The following SOX4 variants were observed in gnomAD, a reference collection of about 807,000 sequenced individuals.
SOX4 encodes transcription factor SOX-4.
For missense variants in SOX4, 662 were observed against 694.9 expected (o/e 0.95, Z 0.53); for synonymous variants, 465 against 348.4 (o/e 1.33, Z -3.73).
Position 21,594,399 on chromosome 6 carries a change from TGAG to T in SOX4, c.-134_-132del, listed in dbSNP as rs1482597272. 18 of 1,158,068 alleles carry T rather than the reference TGAG, an allele frequency of 1.6e-5. No individual in the cohort carries two copies. The highest frequency in any genetic ancestry group is 2.0e-5 in the Non-Finnish European group (18 of 901,856). 71.7% of individuals were successfully genotyped at this position (1,158,068 alleles called of 1,614,324 possible). On this transcript the variant is annotated 5_prime_UTR_variant, in exon 1 of 1. Coordinates refer to ENST00000244745, the MANE Select transcript of SOX4 (RefSeq NM_003107.3). The stretch of plus-strand genomic sequence containing the variant: ...ACCCACCTCCGCCCCTGCGAGGAGT[TGAG>T]GGGCCAGTTCGGCCGCCGCGCGCGT...
chr6:21,596,054 G>A lies in SOX4; in HGVS notation c.*95G>A, dbSNP rs766429313. ...GAAAAGGACAGACGAAGAGTTTAAA[G>A]AGAAAAGGGAAAAAAGAAAGAAAAA... On this transcript the variant is annotated 3_prime_UTR_variant, in exon 1 of 1. Coordinates refer to ENST00000244745, the MANE Select transcript of SOX4 (RefSeq NM_003107.3). 1 of 1,388,638 alleles carries A rather than the reference G, an allele frequency of 7.2e-7. No homozygotes were observed. The highest frequency in any genetic ancestry group is 9.4e-7 in the Non-Finnish European group (1 of 1,069,270). 86.0% of individuals were successfully genotyped at this position (1,388,638 alleles called of 1,614,324 possible).
At position 21,595,547 on chromosome 6, in the gene SOX4, G is replaced by A; in HGVS notation, c.1013G>A (p.Ser338Asn). 4.1e-6 allele frequency: 5 copies of A among 1,210,092 alleles called. No individual in the cohort carries two copies. Among genetic ancestry groups the A allele is most frequent in the Non-Finnish European group, 5.1e-6 (5 of 974,604 alleles). The allele number at this position is 1,210,092 out of a possible 1,614,324, so 75.0% of individuals were successfully genotyped here. The change falls in exon 1 of 1, where the codon AGC becomes AAC. Residue 338 changes from serine (S) to asparagine (N), a missense_variant. By Grantham distance (46) the Ser-to-Asn change is conservative. Coordinates refer to ENST00000244745, the MANE Select transcript of SOX4 (RefSeq NM_003107.3). ...GCGGGCTGCTCGCCCGACGCGCCCA[G>A]CCTGAGCGGCCGCAGCAGCGCCGCC... Reference protein sequence around the residue: ...EGAGCSPDAPSLSGRSSAASS... With the variant: ...EGAGCSPDAPNLSGRSSAASS...
chr6:21,596,102 G>A lies in SOX4; in HGVS notation c.*143G>A. The A allele has an allele frequency of 1.5e-6, 2 of 1,310,424 alleles. No homozygotes were observed. The highest frequency in any genetic ancestry group is 3.8e-5 in the South Asian group (2 of 52,242). 81.2% of individuals were successfully genotyped at this position (1,310,424 alleles called of 1,614,324 possible). A position where few individuals can be genotyped will look rare whatever the true frequency, so the allele number is the denominator to read the frequency against. On this transcript the variant is annotated 3_prime_UTR_variant, in exon 1 of 1. Transcript: ENST00000244745. ...AAAGTAAGCAGGGCTGGCTTCGCCC[G>A]CGTTCTCGTCGTCGGATCAAGGAGC... is the stretch of plus-strand genomic sequence containing the variant.
chr6:21,593,864 T>C lies in SOX4; in HGVS notation c.-671T>C, dbSNP rs1763076095. ...TCTGCACTGGAGGAACTCCTGCCAT[T>C]ACCAGCTCCCTTCTTGCAGAAGGGA... On this transcript the variant is annotated 5_prime_UTR_variant, in exon 1 of 1. Coordinates refer to ENST00000244745, the MANE Select transcript of SOX4 (RefSeq NM_003107.3). 6.6e-6 allele frequency: 1 copy of C among 152,154 alleles called. No individual in the cohort carries two copies. The highest frequency in any genetic ancestry group is 1.5e-5 in the Non-Finnish European group (1 of 68,036). The allele number at this position is 152,154 out of a possible 1,614,324, so 9.4% of individuals were successfully genotyped here.
Position 21,594,656 on chromosome 6 carries a change from C to T in SOX4, c.122C>T (p.Ser41Phe). Residue 41 changes from serine to phenylalanine, a missense_variant, in exon 1 of 1, where the codon TCC becomes TTC. Physicochemically the swap from Ser to Phe is radical, Grantham distance 155. Transcript: ENST00000244745. ...TCCCCCACGCCCGGCTCCACCGCCT[C>T]CACGGGCGGCAAGGCCGACGACCCG... ...ASSPTPGSTA[S>F]TGGKADDPSW... is the part of the protein sequence containing the mutation. 2 of 1,602,398 alleles carry T rather than the reference C, an allele frequency of 1.2e-6. No individual in the cohort carries two copies. Among genetic ancestry groups the T allele is most frequent in the Non-Finnish European group, 1.7e-6 (2 of 1,175,300 alleles).
Position 21,596,890 on chromosome 6 carries a change from C to G in SOX4, c.*931C>G, listed in dbSNP as rs753183806. ...ATCAGTGAGGTGAGACTTCCCAGAC[C>G]CCGGAGGCGTGGAGGAGAGGAGACT... On this transcript the variant is annotated 3_prime_UTR_variant, in exon 1 of 1. Coordinates refer to ENST00000244745, the MANE Select transcript of SOX4 (RefSeq NM_003107.3). The G allele has an allele frequency of 1.2e-5, 2 of 165,672 alleles. No homozygotes were observed. Among genetic ancestry groups the G allele is most frequent in the Admixed American group, 1.3e-4 (2 of 15,106 alleles). 10.3% of individuals were successfully genotyped at this position (165,672 alleles called of 1,614,324 possible). A position where few individuals can be genotyped will look rare whatever the true frequency, so the allele number is the denominator to read the frequency against.
At position 21,596,259 on chromosome 6, in the gene SOX4, T is replaced by C; in HGVS notation, c.*300T>C. 1 of 252,254 alleles carries C rather than the reference T, an allele frequency of 4.0e-6. No individual in the cohort carries two copies. Among genetic ancestry groups the C allele is most frequent in the Non-Finnish European group, 8.0e-6 (1 of 125,758 alleles). The allele number at this position is 252,254 out of a possible 1,614,324, so 15.6% of individuals were successfully genotyped here. On this transcript the variant is annotated 3_prime_UTR_variant, in exon 1 of 1. Coordinates refer to ENST00000244745, the MANE Select transcript of SOX4 (RefSeq NM_003107.3). ...CCTGTGATTGTTGTTATTGATGTTG[T>C]TGTTGATGGCAAAAAAAAAAAAGCG...
At position 21,595,366 on chromosome 6, in the gene SOX4, T is replaced by G. The variant is rs1763117130; in HGVS notation, c.832T>G (p.Ser278Ala). ...CTCCGCCTCCTCGGCAGCCTCGGCC[T>G]CCGCAGCGCTCGCGGCCCCGGGCAA... ...SASASSAASA[S>A]AALAAPGKHL... is the part of the protein sequence containing the mutation. The change falls in exon 1 of 1, where the codon TCC becomes GCC. Residue 278 changes from serine to alanine, a missense_variant. Physicochemically the swap from Ser to Ala is moderately conservative, Grantham distance 99. Transcript: ENST00000244745. 3 of 1,532,484 alleles carry G rather than the reference T, an allele frequency of 2.0e-6. No individual in the cohort carries two copies. Among genetic ancestry groups the G allele is most frequent in the African/African-American group, 2.9e-5 (2 of 69,946 alleles). The allele number at this position is 1,532,484 out of a possible 1,614,324, so 94.9% of individuals were successfully genotyped here. A position where few individuals can be genotyped will look rare whatever the true frequency, so the allele number is the denominator to read the frequency against.
rs370133433 is a variant in SOX4 at position 21,595,456 on chromosome 6, C to G, written c.922C>G (p.Pro308Ala). The G allele has an allele frequency of 1.3e-6, 2 of 1,481,556 alleles. No homozygotes were observed. Among genetic ancestry groups the G allele is most frequent in the Non-Finnish European group, 8.9e-7 (1 of 1,121,294 alleles). 91.8% of individuals were successfully genotyped at this position (1,481,556 alleles called of 1,614,324 possible). Residue 308 changes from proline (P) to alanine (A), a missense_variant, in exon 1 of 1, where the codon CCC (proline) becomes GCC (alanine). Physicochemically the swap from Pro to Ala is conservative, Grantham distance 27. Coordinates refer to ENST00000244745, the MANE Select transcript of SOX4 (RefSeq NM_003107.3). ...CGGCGGCCTGGGCACGTCGTCGTCG[C>G]CCGTGGGCGGCGTGGGCGCGGGAGC... ...LFGGLGTSSS[P>A]VGGVGAGADP...
At position 21,595,095 on chromosome 6, in the gene SOX4, C is replaced by T; in HGVS notation, c.561C>T (p.Gly187=). 8 of 1,402,176 alleles carry T rather than the reference C, an allele frequency of 5.7e-6. No homozygotes were observed. The highest frequency in any genetic ancestry group is 7.4e-6 in the Non-Finnish European group (8 of 1,087,026). The allele number at this position is 1,402,176 out of a possible 1,614,324, so 86.9% of individuals were successfully genotyped here. ...GAGGAGGCGGCGGTGCGAGTGGCGG[C>T]GGCGCCAACTCCAAACCGGCGCAGA... ...AGGGGGGASG[G]GANSKPAQKK... Residue 187 remains glycine (G), a synonymous_variant, in exon 1 of 1, where the codon GGC becomes GGT. Transcript: ENST00000244745.
In SOX4 at chr6:21,595,295, C is replaced by A. The variant is rs756484838; in HGVS notation, c.761C>A (p.Ala254Asp). Reference protein sequence around the residue: ...AAALLPLGAAADHHSLYKART... With the variant: ...AAALLPLGAADDHHSLYKART... ...GCCCTGCTGCCCCTGGGCGCCGCCG[C>A]CGACCACCACTCGCTGTACAAGGCG... The change falls in exon 1 of 1, where the codon GCC becomes GAC. Residue 254 changes from alanine (A) to aspartate (D), a missense_variant. Ala to Asp is a moderately radical substitution (Grantham distance 126). Transcript: ENST00000244745. The A allele has an allele frequency of 1.7e-5, 24 of 1,428,316 alleles. 1 individual carries two copies. In the East Asian group the frequency reaches 7.1e-4, roughly 42 times the overall value. 88.5% of individuals were successfully genotyped at this position (1,428,316 alleles called of 1,614,324 possible).
At position 21,594,943 on chromosome 6, in the gene SOX4, G is replaced by C; in HGVS notation, c.409G>C (p.Gly137Arg). The C allele has an allele frequency of 6.2e-7, 1 of 1,610,638 alleles. No homozygotes were observed. The highest frequency in any genetic ancestry group is 8.5e-7 in the Non-Finnish European group (1 of 1,178,596). Residue 137 changes from glycine (G) to arginine (R), a missense_variant, in exon 1 of 1, where the codon GGC becomes CGC. Physicochemically the swap from Gly to Arg is moderately radical, Grantham distance 125 (BLOSUM62 -2). Coordinates refer to ENST00000244745, the MANE Select transcript of SOX4 (RefSeq NM_003107.3). ...KYRPRKKVKSGNANSSSSAAA... is the reference protein window; with the variant it reads ...KYRPRKKVKSRNANSSSSAAA... ...CCGGCCCAGGAAGAAGGTGAAGTCCGGCAACGCCAACTCCAGCTCCTCGGC... is the reference window on the plus strand; with the variant it reads ...CCGGCCCAGGAAGAAGGTGAAGTCCCGCAACGCCAACTCCAGCTCCTCGGC...
rs1763095751 is a variant in SOX4, at chr6:21,594,590, G to T, written c.56G>T (p.Ser19Ile). 6.2e-7 allele frequency: 1 copy of T among 1,609,174 alleles called. No homozygotes were observed. The highest frequency in any genetic ancestry group is 1.7e-5 in the Admixed American group (1 of 59,850). ...ENTEALLAGE[S>I]SDSGAGLELG... is the part of the protein sequence containing the mutation. The stretch of plus-strand genomic sequence containing the variant: ...ACGGAAGCGCTGCTGGCCGGCGAGA[G>T]CTCGGACTCGGGCGCCGGCCTCGAG... Residue 19 changes from serine (S) to isoleucine (I), a missense_variant, in exon 1 of 1, where the codon AGC (serine) becomes ATC (isoleucine). Ser to Ile is a moderately radical substitution (Grantham distance 142). Coordinates refer to ENST00000244745, the MANE Select transcript of SOX4 (RefSeq NM_003107.3).
Position 21,595,931 on chromosome 6 carries a change from G to C in SOX4, c.1397G>C (p.Ser466Thr). 1 of 1,575,072 alleles carries C rather than the reference G, an allele frequency of 6.3e-7. No homozygotes were observed. Among genetic ancestry groups the C allele is most frequent in the South Asian group, 1.2e-5 (1 of 85,892 alleles). ...ATCTCGGGAGACTGGCTCGAGTCCA[G>C]CATCTCCAACCTGGTTTTCACCTAC... ...EMISGDWLESSISNLVFTY is the reference protein window; with the variant it reads ...EMISGDWLESTISNLVFTY Residue 466 changes from serine to threonine, a missense_variant, in exon 1 of 1, where the codon AGC (serine) becomes ACC (threonine). By Grantham distance (58) the Ser-to-Thr change is moderately conservative. Coordinates refer to ENST00000244745, the MANE Select transcript of SOX4 (RefSeq NM_003107.3).
At position 21,594,464 on chromosome 6, in the gene SOX4, G is replaced by A. The variant is rs902078976; in HGVS notation, c.-71G>A. The A allele has an allele frequency of 1.2e-4, 159 of 1,348,122 alleles. 1 individual carries two copies. The East Asian group carries it at 4.8e-3, about 40-fold the overall frequency. 83.5% of individuals were successfully genotyped at this position (1,348,122 alleles called of 1,614,324 possible). A position where few individuals can be genotyped will look rare whatever the true frequency, so the allele number is the denominator to read the frequency against. On this transcript the variant is annotated 5_prime_UTR_variant, in exon 1 of 1. Coordinates refer to ENST00000244745, the MANE Select transcript of SOX4 (RefSeq NM_003107.3). The stretch of plus-strand genomic sequence containing the variant: ...GCGTGTGCTTGGCCCGGGGAACCGG[G>A]AGGGCCCGGCGATCGCGCGGCGGCC...
chr6:21,596,257 T>G lies in SOX4; in HGVS notation c.*298T>G. On this transcript the variant is annotated 3_prime_UTR_variant, in exon 1 of 1. Transcript: ENST00000244745. ...GACCTGTGATTGTTGTTATTGATGT[T>G]GTTGTTGATGGCAAAAAAAAAAAAG... is the stretch of plus-strand genomic sequence containing the variant. 4.0e-6 allele frequency: 1 copy of G among 247,700 alleles called. No homozygotes were observed. Among genetic ancestry groups the G allele is most frequent in the Non-Finnish European group, 8.1e-6 (1 of 123,088 alleles). The allele number at this position is 247,700 out of a possible 1,614,324, so 15.3% of individuals were successfully genotyped here.
rs754637951 is a variant in SOX4, at chr6:21,595,348, T to TCCTCGGCAGCCTCGG, written c.819_833dup (p.Ser276_Ala280dup). ...GACTCCCAGCGCCTCGGCCTCCGCC[T>TCCTCGGCAGCCTCGG]CCTCGGCAGCCTCGGCCTCCGCAGC... On this transcript the variant is annotated inframe_insertion, in exon 1 of 1. Transcript: ENST00000244745. 1.1e-5 allele frequency: 16 copies of TCCTCGGCAGCCTCGG among 1,514,574 alleles called. No individual in the cohort carries two copies. The African/African-American group carries it at 1.3e-4, about 12-fold the overall frequency. The allele number at this position is 1,514,574 out of a possible 1,614,324, so 93.8% of individuals were successfully genotyped here.
chr6:21,595,860 G>T lies in SOX4; in HGVS notation c.1326G>T (p.Ser442=). The part of the protein sequence containing the change: ...LDFNFEPGSG[S]HFEFPDYCTP... Reference sequence around the variant, plus strand: ...TTAACTTCGAGCCCGGCTCCGGCTCGCACTTCGAGTTCCCGGACTACTGCA... The same window carrying T: ...TTAACTTCGAGCCCGGCTCCGGCTCTCACTTCGAGTTCCCGGACTACTGCA... Residue 442 remains serine, a synonymous_variant, in exon 1 of 1, where the codon TCG becomes TCT. Coordinates refer to ENST00000244745, the MANE Select transcript of SOX4 (RefSeq NM_003107.3). 6.2e-7 allele frequency: 1 copy of T among 1,610,966 alleles called. No homozygotes were observed.
In SOX4 at chr6:21,595,911, G is replaced by A. The variant is rs753653982; in HGVS notation, c.1377G>A (p.Ser459=). The A allele has an allele frequency of 1.2e-5, 19 of 1,599,028 alleles. No individual in the cohort carries two copies. The highest frequency in any genetic ancestry group is 1.7e-4 in the Middle Eastern group (1 of 6,044). ...CGCCCGAGGTGAGCGAGATGATCTC[G>A]GGAGACTGGCTCGAGTCCAGCATCT... is the stretch of plus-strand genomic sequence containing the variant. ...YCTPEVSEMI[S]GDWLESSISN... Residue 459 remains serine (S), a synonymous_variant, in exon 1 of 1, where the codon TCG becomes TCA. Transcript: ENST00000244745.
Sources: allele counts gnomAD v4.1 joint callset, GRCh38; gene constraint gnomAD v4.1.1; transcripts MANE v1.5; gene names NCBI Gene and HGNC (gene_info 2026-07-23, HGNC 2026-07-21).